The following GALNT6 variants were observed in gnomAD, a reference collection of about 807,000 sequenced individuals.
GALNT6 encodes polypeptide N-acetylgalactosaminyltransferase 6.
Under a neutral mutation model 65.9 loss-of-function variants are expected in GALNT6, and 51 were observed. The observed-to-expected ratio is 0.77, with a 90% CI of 0.62 to 0.98. The LOEUF (loss-of-function observed/expected upper bound fraction) is 0.98, where lower values mean the gene tolerates loss of function less well. GALNT6 is among the 50% of genes least tolerant of loss of function. The pLI, the probability that GALNT6 is intolerant of heterozygous loss-of-function variation, is 0.00. For missense variants in GALNT6, 708 were observed against 803.3 expected (o/e 0.88, Z 1.43); for synonymous variants, 323 against 315.1 (o/e 1.02, Z -0.26).
chr12:51,374,734 G>A (rs1947398108), intron 4 of GALNT6, among the ~76,000 whole-genome samples: 1 of 152,128 alleles, frequency 6.6e-6, no homozygotes. Flanking sequence ...AGGTGTCTCA[G>A]TCCCACAGCC....
intron 2 of GALNT6, among the ~76,000 whole-genome samples, chr12:51,384,786 G>C (rs1323710231): frequency 6.6e-6 from 1 of 152,042 alleles, no homozygotes; most frequent in Non-Finnish European, 1.5e-5. Context: ...TTGAGAGGCT[G>C]ATGCTGGAGG....
chr12:51,377,236 AAG>A lies in GALNT6; in HGVS notation c.621_622del (p.Leu208AlafsTer9). On this transcript the variant is annotated frameshift_variant, in exon 4 of 12. Transcript: ENST00000356317. LOFTEE classifies it high-confidence loss of function. ...ATCCACCAGTATGATCTCCTTGAGC[AAG>A]ATGGCAGGGGTGGTGTGTAGGACGC... is the stretch of plus-strand genomic sequence containing the variant. 6.2e-7 allele frequency: 1 copy of A among 1,613,934 alleles called. No homozygotes were observed. Among genetic ancestry groups the A allele is most frequent in the South Asian group, 1.1e-5 (1 of 91,062 alleles).
At chr12:51,363,978 T>C (rs1265179125) in intron 6 of GALNT6, 143 bp downstream of exon 6, 12 of 686,670 alleles carry the variant, frequency 1.7e-5, no homozygotes, top group Non-Finnish European at 2.9e-5. Context: ...GTATTGTACC[T>C]GCTTCATAGG....
intron 6 of GALNT6, among the ~76,000 whole-genome samples, chr12:51,363,707 A>G (rs1420877251): frequency 8.5e-5 from 13 of 152,154 alleles, no homozygotes. Context: ...ACTATTCCAC[A>G]ATGGCCTCCA....
rs1946615778 is a variant in GALNT6, at chr12:51,351,611, C to T, written c.*2768G>A. On this transcript the variant is annotated 3_prime_UTR_variant, in exon 12 of 12. Coordinates refer to ENST00000356317, the MANE Select transcript of GALNT6 (RefSeq NM_007210.4). ...GAAGGAATTGCTCCTTCTAACTCAT[C>T]CAGCACCTCTTGGAGCATCTCCAGG... The T allele has an allele frequency of 2.0e-5, 3 of 152,390 alleles. 1 individual carries two copies. Among genetic ancestry groups the T allele is most frequent in the South Asian group, 4.1e-4 (2 of 4,828 alleles). The allele number at this position is 152,390 out of a possible 1,614,324, so 9.4% of individuals were successfully genotyped here.
At chr12:51,363,839 A>G (rs1947002328) in intron 6 of GALNT6, among the ~76,000 whole-genome samples, 1 of 152,210 alleles carries the variant, frequency 6.6e-6, no homozygotes, top group Non-Finnish European at 1.5e-5. Context: ...AATAAGAGCA[A>G]ACTGTCATGG....
Position 51,377,194 on chromosome 12 carries a change from C to G in GALNT6, c.664+1G>C. 1 of 1,613,346 alleles carries G rather than the reference C, an allele frequency of 6.2e-7. No individual in the cohort carries two copies. Among genetic ancestry groups the G allele is most frequent in the East Asian group, 2.2e-5 (1 of 44,870 alleles). On this transcript the variant is annotated splice_donor_variant, in intron 4 of 11. Coordinates refer to ENST00000356317, the MANE Select transcript of GALNT6 (RefSeq NM_007210.4). LOFTEE classifies it high-confidence loss of function. ...CCTCCTCTGGGCCCCTCCAGCCTCA[C>G]CCTCTGTGCTGGCATCATCCACCAG...
At chr12:51,390,156 C>CTTTCTTTTTT (rs1413158644) in intron 2 of GALNT6, among the ~76,000 whole-genome samples, 7 of 116,322 alleles carry the variant, frequency 6.0e-5, no homozygotes, top group African/African-American at 1.3e-4. Flanking sequence ...TTCTTTCTTT[C>CTTTCTTTTTT]TTTTTTTTTT....
chr12:51,358,000 C>T (rs1038981838), intron 9 of GALNT6, 130 bp downstream of exon 9: 2 of 890,096 alleles, frequency 2.2e-6, no homozygotes, highest in African/African-American at 3.3e-5. Flanking sequence ...TCTCAGTCCT[C>T]CTCCTGGATA....
At chr12:51,364,426 G>C (rs1380583420) in intron 5 of GALNT6, 71 bp from the exon 6 acceptor site, 2 of 1,055,480 alleles carry the variant, frequency 1.9e-6, no homozygotes, top group African/African-American at 1.6e-5. Context: ...ATCCTGGAGG[G>C]AATGCCCAGG....
At chr12:51,369,136 CG>C (rs1947206980) in intron 4 of GALNT6, among the ~76,000 whole-genome samples, 1 of 152,170 alleles carries the variant, frequency 6.6e-6, no homozygotes, top group Non-Finnish European at 1.5e-5. Context: ...AGATAACCCA[CG>C]GACAAAACAT....
intron 2 of GALNT6, 57 bp from the exon 3 acceptor site, chr12:51,379,941 C>T (rs544719814): frequency 8.7e-5 from 66 of 754,650 alleles, no homozygotes; most frequent in African/African-American, 1.6e-4. Flanking sequence ...AGGAGGGAGT[C>T]GGGTGCTTGG....
intron 6 of GALNT6, among the ~76,000 whole-genome samples, chr12:51,363,145 C>G (rs1158568787): frequency 2.0e-5 from 3 of 152,166 alleles, no homozygotes; most frequent in Non-Finnish European, 4.4e-5. Context: ...TCAGTTGAGC[C>G]TTAAGTATAC....
At chr12:51,360,690 T>C (rs1215705234) in intron 7 of GALNT6, 31 bp downstream of exon 7, 1 of 1,266,176 alleles carries the variant, frequency 7.9e-7, no homozygotes, top group South Asian at 1.2e-5. Context: ...TGGGATGTTG[T>C]GGTTCCCCCC....
intron 10 of GALNT6, 22 bp downstream of exon 10, chr12:51,357,327 C>T (rs765614346): frequency 2.7e-5 from 40 of 1,484,896 alleles, no homozygotes; most frequent in East Asian, 2.3e-4. Context: ...GGAGATGCTC[C>T]GGAGATGGGT....
At position 51,377,311 on chromosome 12, in the gene GALNT6, A is replaced by G; in HGVS notation, c.548T>C (p.Ile183Thr). The G allele has an allele frequency of 1.2e-6, 2 of 1,613,388 alleles. No individual in the cohort carries two copies. Among genetic ancestry groups the G allele is most frequent in the Non-Finnish European group, 1.7e-6 (2 of 1,180,010 alleles). The change falls in exon 4 of 12, where the codon ATT becomes ACT. Residue 183 changes from isoleucine to threonine, a missense_variant. Ile to Thr is a moderately conservative substitution (Grantham distance 89). Transcript: ENST00000356317. ...GGACCAGGCTTCGTTGTGGAACACA[A>G]TGATCACGCTGGTGGTGGCCAGTGG... ...CPPLATTSVI[I>T]VFHNEAWSTL... is the part of the protein sequence containing the mutation.
chr12:51,380,728 T>G (rs1313673474), intron 2 of GALNT6, among the ~76,000 whole-genome samples: 2 of 151,460 alleles, frequency 1.3e-5, no homozygotes, highest in Non-Finnish European at 2.9e-5. Flanking sequence ...GAGGCAGAGG[T>G]TGCAGTAGGC....
intron 7 of GALNT6, 177 bp from the exon 8 acceptor site, chr12:51,359,509 C>T: frequency 1.9e-6 from 1 of 531,856 alleles, no homozygotes; most frequent in Non-Finnish European, 3.3e-6. Flanking sequence ...GCCATGACTA[C>T]ACGATCCCAG....
Position 51,352,178 on chromosome 12 carries a change from CTCT to C in GALNT6, c.*2198_*2200del, listed in dbSNP as rs1235628445. 6.6e-6 allele frequency: 1 copy of C among 152,290 alleles called. No individual in the cohort carries two copies. Among genetic ancestry groups the C allele is most frequent in the Non-Finnish European group, 1.5e-5 (1 of 68,082 alleles). The allele number at this position is 152,290 out of a possible 1,614,324, so 9.4% of individuals were successfully genotyped here. On this transcript the variant is annotated 3_prime_UTR_variant, in exon 12 of 12. Transcript: ENST00000356317. ...AATTTTAGTCCTCTGCGCAGCCATG[CTCT>C]TCTTCCAGCAAAAGAGCCATGTGCA...
Sources: allele counts gnomAD v4.1 joint callset (sites outside exome capture counted in the v4.1 genomes callset), GRCh38; gene constraint gnomAD v4.1.1; transcripts MANE v1.5; gene names NCBI Gene and HGNC (gene_info 2026-07-23, HGNC 2026-07-21).